ZSWIM9: variants seen among roughly 807,000 people sequenced by gnomAD.
ZSWIM9 encodes the protein zinc finger SWIM-type containing 9.
ZSWIM9 carries 11 observed loss-of-function variants against 25.0 expected under a neutral mutation model. That is an observed-to-expected ratio of 0.44 (90% confidence interval 0.28 to 0.73). The LOEUF (loss-of-function observed/expected upper bound fraction) is 0.73, where lower values mean the gene tolerates loss of function less well. Ranked by LOEUF, ZSWIM9 falls within the 30% of genes least tolerant of loss-of-function variation. The pLI is 0.16. For synonymous variants in ZSWIM9, 562 were observed against 582.1 expected (o/e 0.97, Z 0.50); for missense variants, 1,070 against 1,296.5 (o/e 0.83, Z 2.68).
intron 2 of ZSWIM9, chr19:48,181,291 C>T (rs1283495260): frequency 2.0e-5 from 3 of 152,152 alleles, no homozygotes; most frequent in African/African-American, 7.2e-5. Context: ...AGGGTAACCA[C>T]TATCTAGCCT....
In ZSWIM9 at chr19:48,197,455, A is replaced by T; in HGVS notation, c.*628A>T. ...GGGAGACGGGTAGAGACGAAATGCAAGGGGCGTGGTTTTGGTTTTTCTCCA... is the reference window on the plus strand; with the variant it reads ...GGGAGACGGGTAGAGACGAAATGCATGGGGCGTGGTTTTGGTTTTTCTCCA... On this transcript the variant is annotated 3_prime_UTR_variant, in exon 4 of 4. Coordinates refer to ENST00000614654, the MANE Select transcript of ZSWIM9 (RefSeq NM_199341.4). 1.8e-6 allele frequency: 1 copy of T among 566,158 alleles called. No individual in the cohort carries two copies. Among genetic ancestry groups the T allele is most frequent in the Non-Finnish European group, 3.2e-6 (1 of 314,374 alleles). 35.1% of individuals were successfully genotyped at this position (566,158 alleles called of 1,614,324 possible).
At position 48,197,392 on chromosome 19, in the gene ZSWIM9, G is replaced by A. The variant is rs2037181677; in HGVS notation, c.*565G>A. ...GAGAGGAAGGGACGGGATGTAGGAG[G>A]GGGAAGAAAAATCGGAGATGAGACA... is the stretch of plus-strand genomic sequence containing the variant. On this transcript the variant is annotated 3_prime_UTR_variant, in exon 4 of 4. Transcript: ENST00000614654. 6.2e-6 allele frequency: 4 copies of A among 640,884 alleles called. No individual in the cohort carries two copies. The African/African-American group carries it at 7.3e-5, about 12-fold the overall frequency. 39.7% of individuals were successfully genotyped at this position (640,884 alleles called of 1,614,324 possible). A position where few individuals can be genotyped will look rare whatever the true frequency, so the allele number is the denominator to read the frequency against.
intron 3 of ZSWIM9, among the ~76,000 whole-genome samples, chr19:48,191,200 G>GT (rs796518430): frequency 1.7e-4 from 26 of 151,234 alleles, no homozygotes; most frequent in African/African-American, 6.1e-4. Flanking sequence ...TTTTGTTGTT[G>GT]TTGTTTGTTT....
chr19:48,171,930 C>A lies in ZSWIM9; in HGVS notation c.128C>A (p.Ala43Glu), dbSNP rs758278993. 1 of 1,534,054 alleles carries A rather than the reference C, an allele frequency of 6.5e-7. No individual in the cohort carries two copies. Among genetic ancestry groups the A allele is most frequent in the Non-Finnish European group, 8.7e-7 (1 of 1,146,412 alleles). ...GACGCGTGGTGCCAGCAGCGGCTGG[C>A]GCTCTTCTTCGTCAAGAGCTCCATG... ...FFDAWCQQRL[A>E]LFFVKSSMHL... Residue 43 changes from alanine to glutamate, a missense_variant, in exon 2 of 4, where the codon GCG (alanine) becomes GAG (glutamate). Physicochemically the swap from Ala to Glu is moderately radical, Grantham distance 107 (BLOSUM62 -1). This residue lies in a region of ZSWIM9 where 265 missense variants were observed against 339.0 expected (regional missense o/e 0.78). Transcript: ENST00000614654.
At chr19:48,192,720 T>C (rs1395463908) in intron 3 of ZSWIM9, among the ~76,000 whole-genome samples, 1 of 151,478 alleles carries the variant, frequency 6.6e-6, no homozygotes, top group Non-Finnish European at 1.5e-5. Context: ...CCACCCTCAG[T>C]TTCCATGATT....
chr19:48,182,529 A>C lies in ZSWIM9; in HGVS notation c.350A>C (p.Glu117Ala), dbSNP rs1217820852. ...SPLRDRLVVTECQLTHSHPAC... is the reference protein window; with the variant it reads ...SPLRDRLVVTACQLTHSHPAC... The stretch of plus-strand genomic sequence containing the variant: ...CTGCGGGACCGCCTCGTGGTGACGG[A>C]GTGCCAGCTGACCCACTCACACCCG... Residue 117 changes from glutamate to alanine, a missense_variant, in exon 3 of 4, where the codon GAG becomes GCG. Transcript: ENST00000614654. The surrounding 1 kb of genome is among the most constrained non-coding windows in gnomAD (Gnocchi z 4.6). 1 of 1,535,900 alleles carries C rather than the reference A, an allele frequency of 6.5e-7. No homozygotes were observed. Among genetic ancestry groups the C allele is most frequent in the South Asian group, 1.2e-5 (1 of 84,042 alleles).
In ZSWIM9 at chr19:48,182,203, T is replaced by A; in HGVS notation, c.276-252T>A. The stretch of plus-strand genomic sequence containing the variant: ...GTGTAGGTGCTTTACCTATATTAAC[T>A]CTTTTCATGCTCATGACGATCCTAT... On this transcript the variant is annotated intron_variant, in intron 2 of 3. Transcript: ENST00000614654. The surrounding 1 kb of genome is among the most constrained non-coding windows in gnomAD (Gnocchi z 4.6). The A allele has an allele frequency of 1.8e-6, 1 of 544,004 alleles. No individual in the cohort carries two copies. The highest frequency in any genetic ancestry group is 3.2e-6 in the Non-Finnish European group (1 of 308,334). 33.7% of individuals were successfully genotyped at this position (544,004 alleles called of 1,614,324 possible).
intron 2 of ZSWIM9, among the ~76,000 whole-genome samples, chr19:48,172,666 G>A (rs1011976003): frequency 3.3e-5 from 5 of 152,000 alleles, no homozygotes; most frequent in African/African-American, 4.8e-5. Context: ...ACAGGCACGC[G>A]CCACCACGCC....
At chr19:48,191,192 T>C (rs777423306) in intron 3 of ZSWIM9, among the ~76,000 whole-genome samples, 1 of 150,300 alleles carries the variant, frequency 6.7e-6, no homozygotes, top group African/African-American at 2.5e-5. Context: ...AGCTATTATT[T>C]TGTTGTTGTT....
chr19:48,189,930 CAG>C (rs1196514803), intron 3 of ZSWIM9, among the ~76,000 whole-genome samples: 1 of 152,118 alleles, frequency 6.6e-6, no homozygotes, highest in African/African-American at 2.4e-5. Flanking sequence ...AAGGTGGGCG[CAG>C]TGGCTCACAC....
chr19:48,193,130 T>C (rs997376301), intron 3 of ZSWIM9: 2 of 155,018 alleles, frequency 1.3e-5, no homozygotes, highest in Admixed American at 1.3e-4. Flanking sequence ...GCACGCCAGG[T>C]GTCCTTCCAT....
At chr19:48,176,932 G>T (rs2036899268) in intron 2 of ZSWIM9, among the ~76,000 whole-genome samples, 1 of 151,888 alleles carries the variant, frequency 6.6e-6, no homozygotes, top group Admixed American at 6.6e-5. Flanking sequence ...AAAATTAGCT[G>T]GGTGTGGCGG....
chr19:48,195,365 A>G lies in ZSWIM9; in HGVS notation c.1301A>G (p.Gln434Arg), dbSNP rs1230130069. The change falls in exon 4 of 4, where the codon CAG becomes CGG. Residue 434 changes from glutamine (Q) to arginine (R), a missense_variant. Gln to Arg is a conservative substitution (Grantham distance 43). Transcript: ENST00000614654. This position sits in a 1 kb window ranked among gnomAD's most constrained non-coding sequence, Gnocchi z 5.8. ...AQCLRDLVAM[Q>R]WADAAGEAVP... is the part of the protein sequence containing the mutation. ...TGCCTTCGCGACCTGGTGGCCATGC[A>G]GTGGGCCGACGCGGCCGGGGAGGCG... is the stretch of plus-strand genomic sequence containing the variant. 1.3e-6 allele frequency: 2 copies of G among 1,520,366 alleles called. No individual in the cohort carries two copies. The highest frequency in any genetic ancestry group is 4.1e-5 in the Admixed American group (2 of 49,196). 94.2% of individuals were successfully genotyped at this position (1,520,366 alleles called of 1,614,324 possible). A position where few individuals can be genotyped will look rare whatever the true frequency, so the allele number is the denominator to read the frequency against.
rs1490479432 is a variant in ZSWIM9 at position 48,196,013 on chromosome 19, C to T, written c.1949C>T (p.Ser650Leu). ...LRTAEWKGPQ[S>L]EVEKGRGLEV... ...ACTGCAGAATGGAAGGGGCCACAGT[C>T]AGAAGTAGAGAAGGGGAGGGGGCTG... Residue 650 changes from serine to leucine, a missense_variant, in exon 4 of 4, where the codon TCA becomes TTA. Physicochemically the swap from Ser to Leu is moderately radical, Grantham distance 145. Transcript: ENST00000614654. 51 of 1,260,266 alleles carry T rather than the reference C, an allele frequency of 4.0e-5. No homozygotes were observed. Among genetic ancestry groups the T allele is most frequent in the Non-Finnish European group, 4.8e-5 (48 of 1,004,572 alleles). 78.1% of individuals were successfully genotyped at this position (1,260,266 alleles called of 1,614,324 possible). A position where few individuals can be genotyped will look rare whatever the true frequency, so the allele number is the denominator to read the frequency against.
At chr19:48,172,930 C>T (rs1306507529) in intron 2 of ZSWIM9, among the ~76,000 whole-genome samples, 1 of 152,030 alleles carries the variant, frequency 6.6e-6, no homozygotes, top group African/African-American at 2.4e-5. Flanking sequence ...GGCAGAGACA[C>T]CAGAGACAGC....
chr19:48,185,137 CTTTTTT>C (rs34561252), intron 3 of ZSWIM9, among the ~76,000 whole-genome samples: 1 of 124,328 alleles, frequency 8.0e-6, no homozygotes, highest in Non-Finnish European at 1.7e-5. Flanking sequence ...TGCTTTCATA[CTTTTTT>C]TTTTTTTTTT....
chr19:48,186,367 GTT>G (rs2037011734), intron 3 of ZSWIM9, among the ~76,000 whole-genome samples: 1 of 151,962 alleles, frequency 6.6e-6, no homozygotes, highest in East Asian at 1.9e-4. Context: ...GTGGCACGCT[GTT>G]GGCTCACTAT....
At position 48,196,574 on chromosome 19, in the gene ZSWIM9, TG is replaced by T; in HGVS notation, c.2512del (p.Val838TrpfsTer38). On this transcript the variant is annotated frameshift_variant, in exon 4 of 4. Transcript: ENST00000614654. LOFTEE classifies it high-confidence loss of function. ...GCCTGCGGGCCAGAGCTGGCAGACC[TG>T]GTGGCTGAGGAGTTGGCCTTTGCTA... Reference protein sequence around the residue: ...RAACGPELADLVAEELAFARQ... With the variant: ...RAACGPELADXVAEELAFARQ... The T allele has an allele frequency of 8.1e-7, 1 of 1,232,444 alleles. No individual in the cohort carries two copies. Among genetic ancestry groups the T allele is most frequent in the Non-Finnish European group, 1.0e-6 (1 of 988,292 alleles). The allele number at this position is 1,232,444 out of a possible 1,614,324, so 76.3% of individuals were successfully genotyped here. A position where few individuals can be genotyped will look rare whatever the true frequency, so the allele number is the denominator to read the frequency against.
intron 3 of ZSWIM9, among the ~76,000 whole-genome samples, chr19:48,193,739 T>A (rs903419405): frequency 2.0e-5 from 3 of 152,298 alleles, no homozygotes; most frequent in South Asian, 2.1e-4. Context: ...ACACTTACTA[T>A]TTGTTGGATA....
Sources: allele counts gnomAD v4.1 joint callset (sites outside exome capture counted in the v4.1 genomes callset), GRCh38; gene constraint gnomAD v4.1.1; regional missense constraint gnomAD v4.1.1; non-coding constraint Gnocchi (gnomAD v3.1); transcripts MANE v1.5; gene names NCBI Gene and HGNC (gene_info 2026-07-23, HGNC 2026-07-21).